KMT2C: variants seen among roughly 807,000 people sequenced by gnomAD.
KMT2C encodes histone-lysine N-methyltransferase 2C.
KMT2C carries 88 observed loss-of-function variants against 507.9 expected under a neutral mutation model. The observed-to-expected ratio is 0.17, with a 90% CI of 0.15 to 0.21. KMT2C has a LOEUF of 0.21. Ranked by LOEUF, KMT2C falls within the 10% of genes least tolerant of loss-of-function variation. The probability of loss-of-function intolerance (pLI) is 1.00; values close to 1 mark genes in which losing one functional copy is unlikely to be tolerated. For missense variants in KMT2C, 4,954 were observed against 5,957.8 expected, an observed-to-expected ratio of 0.83 and a Z score of 5.55; for synonymous variants, 2,049 against 2,080.8, an observed-to-expected ratio of 0.98 and a Z score of 0.42.
chr7:152,348,814 T>C (rs2097086393), intron 2 of KMT2C, among the ~76,000 whole-genome samples: 2 of 152,040 alleles, frequency 1.3e-5, no homozygotes, highest in African/African-American at 4.8e-5. Context: ...CCACCAAATG[T>C]CAGTAAGTAC....
chr7:152,388,618 C>A (rs559616841), intron 1 of KMT2C, among the ~76,000 whole-genome samples: 2 of 152,422 alleles, frequency 1.3e-5, no homozygotes, highest in African/African-American at 4.8e-5. Flanking sequence ...TTTTCAAGCA[C>A]ACCCTTTTTT....
chr7:152,154,592 C>T (rs1016050473), intron 46 of KMT2C, 147 bp from the exon 47 acceptor site: 7 of 607,984 alleles, frequency 1.2e-5, no homozygotes, highest in Non-Finnish European at 2.0e-5. Context: ...CAGCTCAGAG[C>T]CACACTGGGA....
At chr7:152,342,159 T>C (rs2097001065) in intron 2 of KMT2C, among the ~76,000 whole-genome samples, 1 of 152,092 alleles carries the variant, frequency 6.6e-6, no homozygotes, top group Admixed American at 6.6e-5. Flanking sequence ...CCAATAGTCA[T>C]TACATAAGCA....
Position 152,330,584 on chromosome 7 carries a change from T to G in KMT2C, c.389+17A>C. ...TCCTGTCACTAATATCCAATCCAGC[T>G]GCATTCATTCTCTAACCTGATTTTG... is the stretch of plus-strand genomic sequence containing the variant. On this transcript the variant is annotated intron_variant, in intron 3 of 58. Coordinates refer to ENST00000262189, the MANE Select transcript of KMT2C (RefSeq NM_170606.3). 6.2e-7 allele frequency: 1 copy of G among 1,612,260 alleles called. No individual in the cohort carries two copies. The highest frequency in any genetic ancestry group is 8.5e-7 in the Non-Finnish European group (1 of 1,178,318).
intron 6 of KMT2C, among the ~76,000 whole-genome samples, chr7:152,302,726 C>T (rs2096580778): frequency 1.3e-5 from 2 of 152,000 alleles, no homozygotes; most frequent in South Asian, 2.1e-4. Flanking sequence ...ACTACAACCT[C>T]CACCTCCTGG....
chr7:152,257,885 A>AC lies in KMT2C; in HGVS notation c.1299+5130_1299+5131insG, dbSNP rs1491320036. Among the ~76,000 whole-genome samples, 476 of 148,422 alleles carry AC rather than the reference A, an allele frequency of 3.2e-3. 1 individual carries two copies. The highest frequency in any genetic ancestry group is 0.012 in the African/African-American group (444 of 38,174). On this transcript the variant is annotated intron_variant, in intron 9 of 58. Transcript: ENST00000262189. ...CACACGCACACACACACACACACAC[A>AC]AAAAAAACACCTCATAATGTTTTAA... is the stretch of plus-strand genomic sequence containing the variant.
At chr7:152,163,911 T>C (rs1392634032) in intron 42 of KMT2C, 85 bp from the exon 43 acceptor site, 1 of 1,338,028 alleles carries the variant, frequency 7.5e-7, no homozygotes, top group Non-Finnish European at 1.1e-6. Context: ...TGGTTGAGGT[T>C]ACACAGAGGG....
chr7:152,311,758 C>CAATT, intron 5 of KMT2C, 40 bp downstream of exon 5: 1 of 1,460,238 alleles, frequency 6.8e-7, no homozygotes, highest in Non-Finnish European at 9.2e-7. Flanking sequence ...AAAATGCTTC[C>CAATT]AGAATTAAGA....
At position 152,345,520 on chromosome 7, in the gene KMT2C, GTGTT is replaced by G. The variant is rs375976664; in HGVS notation, c.250+13063_250+13066del. On this transcript the variant is annotated intron_variant, in intron 2 of 58. Transcript: ENST00000262189. ...AAGACAGAAATTGTTATAATAGGTTGTGTTTGTTTGTTTGTTTGTTTTGAGACAG... is the reference window on the plus strand; with the variant it reads ...AAGACAGAAATTGTTATAATAGGTTGTGTTTGTTTGTTTGTTTTGAGACAG... Among the ~76,000 whole-genome samples the G allele has an allele frequency of 2.5e-4, 38 of 152,222 alleles. No individual in the cohort carries two copies. The East Asian group carries it at 2.7e-3, about 11-fold the overall frequency.
chr7:152,243,662 G>A (rs187807281), intron 14 of KMT2C, among the ~76,000 whole-genome samples: 12 of 152,146 alleles, frequency 7.9e-5, no homozygotes, highest in Middle Eastern at 6.8e-3. Flanking sequence ...ACGTGCGCCC[G>A]TAGTCCCCGC....
At chr7:152,334,511 C>T (rs1429430738) in intron 2 of KMT2C, among the ~76,000 whole-genome samples, 1 of 152,154 alleles carries the variant, frequency 6.6e-6, no homozygotes, top group African/African-American at 2.4e-5. Context: ...ATCTTCTATG[C>T]TTTCCAAGTT....
chr7:152,315,103 A>C, intron 4 of KMT2C, 35 bp downstream of exon 4: 1 of 1,523,158 alleles, frequency 6.6e-7, no homozygotes, highest in Non-Finnish European at 9.1e-7. Flanking sequence ...ATGCAGTCTT[A>C]ATCTATTCCA....
rs2129165475 is a variant in KMT2C at position 152,249,898 on chromosome 7, G to A, written c.1791C>T (p.Asp597=). 1.2e-6 allele frequency: 2 copies of A among 1,601,622 alleles called. No individual in the cohort carries two copies. Among genetic ancestry groups the A allele is most frequent in the Non-Finnish European group, 1.7e-6 (2 of 1,169,172 alleles). ...QQKSHPSESL[D]TDSLLIAVSS... The stretch of plus-strand genomic sequence containing the variant: ...TACCAGCAATAAGAAGACTATCTGT[G>A]TCAAGACTTTCTGAGGGATGACTCT... The change falls in exon 13 of 59, where the codon GAC becomes GAT. Residue 597 remains aspartate (D), a synonymous_variant. Coordinates refer to ENST00000262189, the MANE Select transcript of KMT2C (RefSeq NM_170606.3).
intron 4 of KMT2C, 161 bp from the exon 5 acceptor site, chr7:152,312,107 A>G (rs1185841060): frequency 2.1e-6 from 1 of 468,690 alleles, no homozygotes; most frequent in African/African-American, 2.0e-5. Context: ...TATCCATGGT[A>G]TAATATTAAA....
In KMT2C at chr7:152,385,611, CAAAAAAAAAAAAAAAAAAA is replaced by C. The variant is rs1160527130; in HGVS notation, c.162-26955_162-26937del. Among the ~76,000 whole-genome samples, 60 of 19,444 alleles carry C rather than the reference CAAAAAAAAAAAAAAAAAAA, an allele frequency of 3.1e-3. 3 individuals carry two copies. The South Asian group carries it at 0.089, about 29-fold the overall frequency. 12.8% of individuals were successfully genotyped at this position (19,444 alleles called of 152,430 possible). A position where few individuals can be genotyped will look rare whatever the true frequency, so the allele number is the denominator to read the frequency against. ...TGGGCGACAGAGCGAGACTCCGTCT[CAAAAAAAAAAAAAAAAAAA>C]AAAAAAAAAAAAAAAAAAATTGAGA... On this transcript the variant is annotated intron_variant, in intron 1 of 58. Transcript: ENST00000262189.
At chr7:152,307,251 ACGGTAGG>A (rs2096627161) in intron 6 of KMT2C, among the ~76,000 whole-genome samples, 1 of 101,752 alleles carries the variant, frequency 9.8e-6, no homozygotes, top group African/African-American at 5.1e-5. Flanking sequence ...GGAAGGAAGG[ACGGTAGG>A]AAGGAAGGAA....
intron 4 of KMT2C, among the ~76,000 whole-genome samples, chr7:152,314,015 G>C (rs1444681869): frequency 6.6e-6 from 1 of 152,078 alleles, no homozygotes; most frequent in Non-Finnish European, 1.5e-5. Flanking sequence ...TTTTAAGTTT[G>C]CTGGCCTTTT....
intron 23 of KMT2C, among the ~76,000 whole-genome samples, chr7:152,212,568 AC>A (rs1303794420): frequency 1.3e-5 from 2 of 152,254 alleles, no homozygotes; most frequent in Non-Finnish European, 2.9e-5. Flanking sequence ...GTAGCAGGAT[AC>A]AAAATCAATA....
intron 21 of KMT2C, 66 bp from the exon 22 acceptor site, chr7:152,222,132 T>C (rs3879308): frequency 1.1e-5 from 11 of 1,008,720 alleles, no homozygotes; most frequent in South Asian, 1.8e-5. Context: ...TAAATACTTA[T>C]ATATGATTAT....
Sources: allele counts gnomAD v4.1 joint callset (sites outside exome capture counted in the v4.1 genomes callset), GRCh38; gene constraint gnomAD v4.1.1; transcripts MANE v1.5; gene names NCBI Gene and HGNC (gene_info 2026-07-23, HGNC 2026-07-21).